Variants in WDPCP observed in about 807,000 individuals in gnomAD.
WDPCP encodes WD repeat-containing and planar cell polarity effector protein fritz homolog.
Under a neutral mutation model 93.1 loss-of-function variants are expected in WDPCP, and 71 were observed. The observed-to-expected ratio is 0.76, with a 90% CI of 0.63 to 0.93. The LOEUF (loss-of-function observed/expected upper bound fraction) is 0.93. Ranked by LOEUF, WDPCP falls within the 40% of genes least tolerant of loss-of-function variation. The pLI, the probability that WDPCP is intolerant of heterozygous loss-of-function variation, is 0.00. For missense variants in WDPCP, 844 were observed against 887.4 expected (o/e 0.95, Z 0.62); for synonymous variants, 315 against 315.0 (o/e 1.00, Z 0.00).
At chr2:63,229,389 T>G (rs1678617888) in intron 14 of WDPCP, 1 of 152,216 alleles carries the variant, frequency 6.6e-6, no homozygotes. Context: ...AGGTTGCCTG[T>G]CCACTCTGAT....
At chr2:63,318,982 A>G (rs1285550480) in intron 12 of WDPCP, among the ~76,000 whole-genome samples, 1 of 152,210 alleles carries the variant, frequency 6.6e-6, no homozygotes, top group Non-Finnish European at 1.5e-5. Context: ...AAAAGCTGCC[A>G]GAGAGAAGAC....
At chr2:63,549,017 G>C (rs1418841314) in intron 1 of WDPCP, among the ~76,000 whole-genome samples, 1 of 152,068 alleles carries the variant, frequency 6.6e-6, no homozygotes, top group Non-Finnish European at 1.5e-5. Context: ...AGGAGGCAGA[G>C]GTGGGTGGAT....
At chr2:63,601,424 T>C (rs1709416114) in intron 3 of WDPCP, among the ~76,000 whole-genome samples, 1 of 152,220 alleles carries the variant, frequency 6.6e-6, no homozygotes, top group Non-Finnish European at 1.5e-5. Context: ...TTGACATTGA[T>C]ACCAGATAAG....
chr2:63,437,796 C>T lies in WDPCP; in HGVS notation c.500-242G>A. The stretch of plus-strand genomic sequence containing the variant: ...TTCAATATACACTGATATTTGGGGA[C>T]CACCAATGGATGAGATGTATTTAGA... On this transcript the variant is annotated intron_variant, in intron 7 of 17. Transcript: ENST00000272321. 4 of 1,487,608 alleles carry T rather than the reference C, an allele frequency of 2.7e-6. No individual in the cohort carries two copies. The South Asian group carries it at 5.1e-5, about 19-fold the overall frequency. The allele number at this position is 1,487,608 out of a possible 1,614,324, so 92.2% of individuals were successfully genotyped here.
At chr2:63,556,926 T>C (rs1266036238) in intron 1 of WDPCP, among the ~76,000 whole-genome samples, 1 of 152,156 alleles carries the variant, frequency 6.6e-6, no homozygotes, top group African/African-American at 2.4e-5. Context: ...CTAAGCTTCA[T>C]AAGTGAAGGG....
chr2:63,320,541 A>T (rs887740471), intron 12 of WDPCP, among the ~76,000 whole-genome samples: 4 of 152,152 alleles, frequency 2.6e-5, no homozygotes, highest in Non-Finnish European at 5.9e-5. Flanking sequence ...TAAGGTGGGT[A>T]AATGAACTGA....
Position 63,484,608 on chromosome 2 carries a change from C to T in WDPCP, c.380G>A (p.Cys127Tyr), listed in dbSNP as rs754178598. The T allele has an allele frequency of 3.1e-6, 5 of 1,612,816 alleles. No individual in the cohort carries two copies. The highest frequency in any genetic ancestry group is 2.2e-5 in the South Asian group (2 of 91,054). The change falls in exon 6 of 18, where the codon TGT becomes TAT. Residue 127 changes from cysteine (C) to tyrosine (Y), a missense_variant. Cys to Tyr is a radical substitution (Grantham distance 194). Coordinates refer to ENST00000272321, the MANE Select transcript of WDPCP (RefSeq NM_015910.7). ...VLSKWKNKYVCQLLFGSGVLV... is the reference protein window; with the variant it reads ...VLSKWKNKYVYQLLFGSGVLV... ...AGGCTTGTCAAATCATTTTACCTGA[C>T]AGACATATTTGTTCTTCCATTTGCT...
At chr2:63,462,224 G>A (rs563191096) in intron 6 of WDPCP, among the ~76,000 whole-genome samples, 30 of 152,214 alleles carry the variant, frequency 2.0e-4, no homozygotes, top group South Asian at 1.9e-3. Context: ...GCTGGAAACC[G>A]TCATTCTCAG....
intron 14 of WDPCP, among the ~76,000 whole-genome samples, chr2:63,187,669 A>G (rs1204134640): frequency 6.6e-6 from 1 of 152,216 alleles, no homozygotes; most frequent in East Asian, 1.9e-4. Flanking sequence ...TTGTGTACCA[A>G]TTAACATAGA....
At chr2:63,292,002 G>T (rs577992848) in intron 13 of WDPCP, among the ~76,000 whole-genome samples, 1 of 150,384 alleles carries the variant, frequency 6.6e-6, no homozygotes, top group Non-Finnish European at 1.5e-5. Context: ...GCGCGGTGGC[G>T]GGCGCCTGTA....
intron 3 of WDPCP, among the ~76,000 whole-genome samples, chr2:63,613,321 A>C (rs955884470): frequency 2.0e-5 from 3 of 152,236 alleles, no homozygotes; most frequent in African/African-American, 7.2e-5. Context: ...GAAATCTCTA[A>C]GGAAGAAGAG....
intron 2 of WDPCP, among the ~76,000 whole-genome samples, chr2:63,659,686 T>A (rs1203484868): frequency 2.6e-5 from 4 of 152,232 alleles, no homozygotes; most frequent in Non-Finnish European, 5.9e-5. Context: ...AATGCATTTC[T>A]GTTGTTTTAA....
chr2:63,571,080 AT>A (rs70965138), intron 1 of WDPCP, among the ~76,000 whole-genome samples: 120,179 of 149,740 alleles, frequency 0.8, 48,747 homozygotes, highest in East Asian at 0.98. Context: ...AATTTTTGGT[AT>A]TTTTTTTTTT....
At chr2:63,803,369 T>A (rs896117739) in intron 2 of WDPCP, among the ~76,000 whole-genome samples, 2 of 152,216 alleles carry the variant, frequency 1.3e-5, no homozygotes, top group African/African-American at 4.8e-5. Context: ...AAAACTGGTA[T>A]GGTATTTCTT....
At chr2:63,207,278 C>T (rs1429804713) in intron 14 of WDPCP, among the ~76,000 whole-genome samples, 1 of 152,086 alleles carries the variant, frequency 6.6e-6, no homozygotes, top group Non-Finnish European at 1.5e-5. Context: ...ATGTCAAACT[C>T]ATGACAGTGA....
At chr2:63,704,377 C>A (rs538973478) in intron 2 of WDPCP, among the ~76,000 whole-genome samples, 2 of 152,232 alleles carry the variant, frequency 1.3e-5, no homozygotes, top group Non-Finnish European at 2.9e-5. Context: ...TGTCTTGTGC[C>A]AGTTTTCAAA....
At chr2:63,325,607 G>A (rs1365030363) in intron 12 of WDPCP, among the ~76,000 whole-genome samples, 3 of 152,194 alleles carry the variant, frequency 2.0e-5, no homozygotes, top group African/African-American at 4.8e-5. Context: ...GGGACAGCCT[G>A]TAACCAGGTA....
chr2:63,390,549 C>G (rs185807417), intron 10 of WDPCP, among the ~76,000 whole-genome samples: 14 of 152,174 alleles, frequency 9.2e-5, no homozygotes, highest in African/African-American at 3.4e-4. Context: ...TAACTAAGAT[C>G]AGAGCAGAAC....
At chr2:63,684,212 T>C (rs1668773652) in intron 2 of WDPCP, 4 of 383,022 alleles carry the variant, frequency 1.0e-5, no homozygotes, top group Non-Finnish European at 5.0e-6. Flanking sequence ...GGATAGGCCA[T>C]ATGTTAGGTC....
Sources: allele counts gnomAD v4.1 joint callset (sites outside exome capture counted in the v4.1 genomes callset), GRCh38; gene constraint gnomAD v4.1.1; transcripts MANE v1.5; gene names NCBI Gene and HGNC (gene_info 2026-07-23, HGNC 2026-07-21).